Variants in MACROD2 observed in about 807,000 individuals in gnomAD.
MACROD2 encodes the protein mono-ADP ribosylhydrolase 2.
In MACROD2, 36 loss-of-function variants were observed where a neutral mutation model predicts 70.4. The ratio of observed to expected loss-of-function variants is 0.51; its 90% CI spans 0.39 to 0.68. The LOEUF (loss-of-function observed/expected upper bound fraction) is 0.68. Ranked by LOEUF, MACROD2 falls within the 30% of genes least tolerant of loss-of-function variation. The probability of loss-of-function intolerance (pLI) is 0.00; values close to 1 mark genes in which losing one functional copy is unlikely to be tolerated. For missense variants in MACROD2, 496 were observed against 538.4 expected (o/e 0.92, Z 0.78); for synonymous variants, 172 against 178.8 (o/e 0.96, Z 0.30).
At chr20:15,398,079 T>G (rs1188646422) in intron 6 of MACROD2, among the ~76,000 whole-genome samples, 1 of 152,156 alleles carries the variant, frequency 6.6e-6, no homozygotes, top group Admixed American at 6.5e-5. Context: ...GGCTGAATAT[T>G]CTGGAAATCC....
At chr20:15,544,376 T>A (rs1406726970) in intron 8 of MACROD2, among the ~76,000 whole-genome samples, 2 of 152,212 alleles carry the variant, frequency 1.3e-5, no homozygotes, top group Non-Finnish European at 2.9e-5. Flanking sequence ...TTTTCTCAAT[T>A]GTTTTGAAAA....
At chr20:14,494,683 C>G (rs1358111965) in intron 4 of MACROD2, among the ~76,000 whole-genome samples, 1 of 152,070 alleles carries the variant, frequency 6.6e-6, no homozygotes, top group East Asian at 1.9e-4. Flanking sequence ...AAAATATTTG[C>G]CAAGTAACTA....
In MACROD2 at chr20:15,160,398, T is replaced by C. The variant is rs541361304; in HGVS notation, c.419-69542T>C. Among the ~76,000 whole-genome samples the C allele has an allele frequency of 2.0e-5, 3 of 152,258 alleles. 1 individual carries two copies. In the South Asian group the frequency reaches 6.2e-4, roughly 32 times the overall value. On this transcript the variant is annotated intron_variant, in intron 5 of 17. Transcript: ENST00000684519. ...AAAAACATTGTAGAAACCACTCTAT[T>C]GCAATTTCGGCAACTTTTCAAGTTT...
intron 10 of MACROD2, among the ~76,000 whole-genome samples, chr20:15,910,428 G>GTGTGTGTGTGTGTGTGTGTT (rs2065220117): frequency 6.9e-6 from 1 of 145,292 alleles, no homozygotes; most frequent in Admixed American, 7.0e-5. Flanking sequence ...GTGTGTGTGT[G>GTGTGTGTGTGTGTGTGTGTT]TGTAACTATC....
intron 3 of MACROD2, among the ~76,000 whole-genome samples, chr20:14,452,163 T>A (rs1409894561): frequency 6.6e-6 from 1 of 152,132 alleles, no homozygotes; most frequent in Non-Finnish European, 1.5e-5. Flanking sequence ...AAGATAATAA[T>A]GAATTTAGAT....
At chr20:15,986,633 A>G (rs2066487093) in intron 13 of MACROD2, 94 bp from the exon 14 acceptor site, 6 of 858,156 alleles carry the variant, frequency 7.0e-6, no homozygotes, top group East Asian at 2.5e-5. Context: ...CTATCTCTCC[A>G]TGCATGATTA....
chr20:14,104,422 TCTC>T (rs2054341961), intron 3 of MACROD2, among the ~76,000 whole-genome samples: 3 of 152,252 alleles, frequency 2.0e-5, no homozygotes, highest in East Asian at 1.9e-4. Context: ...TGTCACTGCT[TCTC>T]CTCCTGAAAT....
At chr20:14,136,675 T>G (rs2054802091) in intron 3 of MACROD2, among the ~76,000 whole-genome samples, 1 of 152,084 alleles carries the variant, frequency 6.6e-6, no homozygotes, top group Admixed American at 6.6e-5. Flanking sequence ...GATGCTCAAG[T>G]TTTAGAACCA....
chr20:15,822,355 A>C (rs2075916294), intron 8 of MACROD2, among the ~76,000 whole-genome samples: 1 of 152,154 alleles, frequency 6.6e-6, no homozygotes, highest in African/African-American at 2.4e-5. Flanking sequence ...ATGATATGTG[A>C]TACATCCTAA....
At chr20:15,748,123 A>C (rs1315703598) in intron 8 of MACROD2, among the ~76,000 whole-genome samples, 1 of 152,060 alleles carries the variant, frequency 6.6e-6, no homozygotes, top group Non-Finnish European at 1.5e-5. Flanking sequence ...TTCCTTTCTT[A>C]ATGCATCTGC....
chr20:15,294,951 CTT>C (rs915201728), intron 6 of MACROD2, among the ~76,000 whole-genome samples: 4 of 152,182 alleles, frequency 2.6e-5, no homozygotes, highest in African/African-American at 9.7e-5. Flanking sequence ...TTGTATTACT[CTT>C]TGTAACTTTG....
intron 2 of MACROD2, among the ~76,000 whole-genome samples, chr20:14,069,110 A>T (rs1409667275): frequency 1.3e-5 from 2 of 152,014 alleles, no homozygotes; most frequent in Non-Finnish European, 2.9e-5. Flanking sequence ...CATCGTGCTC[A>T]GCTAACTTTG....
intron 3 of MACROD2, among the ~76,000 whole-genome samples, chr20:14,190,759 G>A (rs1438755032): frequency 7.6e-6 from 1 of 131,272 alleles, no homozygotes. Context: ...CCAGGCTGGA[G>A]TGCAGTGGTG....
intron 6 of MACROD2, among the ~76,000 whole-genome samples, chr20:15,372,720 ATCT>A (rs1320035794): frequency 6.6e-6 from 1 of 152,128 alleles, no homozygotes; most frequent in Non-Finnish European, 1.5e-5. Flanking sequence ...AAATGTGCAG[ATCT>A]TCTTCTTTAT....
chr20:15,319,638 T>C (rs938988774), intron 6 of MACROD2, among the ~76,000 whole-genome samples: 6 of 152,226 alleles, frequency 3.9e-5, no homozygotes, highest in African/African-American at 1.4e-4. Flanking sequence ...TTTTCACTTC[T>C]AGGTAAATAC....
chr20:15,704,424 GA>G (rs199739690), intron 8 of MACROD2, among the ~76,000 whole-genome samples: 1 of 151,618 alleles, frequency 6.6e-6, no homozygotes, highest in African/African-American at 2.4e-5. Context: ...ATAAGGCATT[GA>G]AAAAAAACCC....
intron 8 of MACROD2, among the ~76,000 whole-genome samples, chr20:15,697,275 G>T (rs1387715259): frequency 2.6e-5 from 4 of 152,202 alleles, no homozygotes; most frequent in African/African-American, 9.6e-5. Flanking sequence ...TCAGTTCGAA[G>T]AATTTTTTAA....
At chr20:14,174,605 T>C (rs1178649906) in intron 3 of MACROD2, among the ~76,000 whole-genome samples, 5 of 152,296 alleles carry the variant, frequency 3.3e-5, no homozygotes, top group African/African-American at 1.2e-4. Flanking sequence ...AGAAAGCAAG[T>C]GGGGCTTTCA....
chr20:15,177,547 T>C (rs1443244432), intron 5 of MACROD2, among the ~76,000 whole-genome samples: 4 of 152,214 alleles, frequency 2.6e-5, no homozygotes, highest in Non-Finnish European at 4.4e-5. Flanking sequence ...TGAATTTATT[T>C]TCAGTGGTAT....
Sources: gnomAD v4.1 joint callset for allele counts (sites outside exome capture counted in the v4.1 genomes callset) on GRCh38, gnomAD v4.1.1 for gene constraint, MANE v1.5 for transcripts, NCBI Gene and HGNC (gene_info 2026-07-23, HGNC 2026-07-21) for gene names.